GPR39: variants seen among roughly 807,000 people sequenced by gnomAD.
GPR39 encodes zinc sensing receptor.
A neutral mutation model predicts 18.4 loss-of-function variants in GPR39; 23 were observed. The ratio of observed to expected loss-of-function variants is 1.25; its 90% CI spans 0.90 to 1.77. GPR39 has a LOEUF of 1.77. GPR39 is among the 40% of genes most tolerant of loss of function. The pLI is 0.00. For synonymous variants in GPR39, 280 were observed against 257.9 expected (o/e 1.09, Z -0.82); for missense variants, 647 against 602.4 (o/e 1.07, Z -0.78).
At chr2:132,442,040 A>T (rs1346335487) in intron 1 of GPR39, among the ~76,000 whole-genome samples, 1 of 152,130 alleles carries the variant, frequency 6.6e-6, no homozygotes, top group African/African-American at 2.4e-5. Flanking sequence ...TGTCAAGGCA[A>T]AAAAGCCTGT....
intron 1 of GPR39, among the ~76,000 whole-genome samples, chr2:132,593,413 G>A (rs1488593149): frequency 6.6e-6 from 1 of 152,060 alleles, no homozygotes; most frequent in Non-Finnish European, 1.5e-5. Context: ...ACTATGTAGG[G>A]ACCCACCATG....
rs546997992 is a variant in GPR39 at position 132,607,050 on chromosome 2, AC to A, written c.857-38050del. ...CCCCACTAACTCTTTAATCTGAGAA[AC>A]GTATTGAAAGGCTGGGGGCGGGTAA... On this transcript the variant is annotated intron_variant, in intron 1 of 1. Transcript: ENST00000329321. 5.9e-5 allele frequency among the ~76,000 whole-genome samples: 9 copies of A among 152,274 alleles called. No homozygotes were observed. The South Asian group carries it at 1.7e-3, about 28-fold the overall frequency.
intron 1 of GPR39, among the ~76,000 whole-genome samples, chr2:132,623,571 A>G (rs1681484133): frequency 6.6e-6 from 1 of 152,188 alleles, no homozygotes; most frequent in African/African-American, 2.4e-5. Flanking sequence ...CGAAGGCAAA[A>G]ATGACTCAGC....
intron 1 of GPR39, among the ~76,000 whole-genome samples, chr2:132,465,408 A>G (rs538437914): frequency 1.3e-5 from 2 of 152,236 alleles, no homozygotes; most frequent in Admixed American, 6.5e-5. Context: ...AACTTCCCCT[A>G]GTCTCCCTGT....
At chr2:132,487,278 TACTGTATTTC>T (rs1681360388) in intron 1 of GPR39, among the ~76,000 whole-genome samples, 1 of 152,222 alleles carries the variant, frequency 6.6e-6, no homozygotes. Flanking sequence ...TGGTTATTCT[TACTGTATTTC>T]ACTGGATTAT....
At chr2:132,513,750 C>T (rs1175087014) in intron 1 of GPR39, among the ~76,000 whole-genome samples, 1 of 152,074 alleles carries the variant, frequency 6.6e-6, no homozygotes, top group African/African-American at 2.4e-5. Flanking sequence ...TCACTCTGGC[C>T]CCCCGAGTGG....
At chr2:132,460,455 GA>G (rs1397390558) in intron 1 of GPR39, among the ~76,000 whole-genome samples, 1 of 152,150 alleles carries the variant, frequency 6.6e-6, no homozygotes. Flanking sequence ...GAGTAGAATG[GA>G]AAATGTACAT....
chr2:132,520,097 A>G (rs907794466), intron 1 of GPR39, among the ~76,000 whole-genome samples: 1 of 151,930 alleles, frequency 6.6e-6, no homozygotes, highest in Admixed American at 6.6e-5. Context: ...TATAATTTAT[A>G]TTCTTACAAC....
In GPR39 at chr2:132,466,046, C is replaced by G. The variant is rs865905675; in HGVS notation, c.856+48148C>G. On this transcript the variant is annotated intron_variant, in intron 1 of 1. Transcript: ENST00000329321. ...TAAAAGCTTAAAGCCTATTTTCTTTCCTTGCCAGCCTTGCAGGCTGTGTCT... is the reference window on the plus strand; with the variant it reads ...TAAAAGCTTAAAGCCTATTTTCTTTGCTTGCCAGCCTTGCAGGCTGTGTCT... 3.9e-4 allele frequency among the ~76,000 whole-genome samples: 59 copies of G among 152,050 alleles called. 1 individual carries two copies. The highest frequency in any genetic ancestry group is 2.1e-4 in the South Asian group (1 of 4,826).
chr2:132,634,885 A>G (rs1431316496), intron 1 of GPR39, among the ~76,000 whole-genome samples: 2 of 152,214 alleles, frequency 1.3e-5, no homozygotes, highest in Admixed American at 6.5e-5. Flanking sequence ...CCATAGGGCC[A>G]TCACAGACAG....
chr2:132,534,806 A>C (rs1310209919), intron 1 of GPR39, among the ~76,000 whole-genome samples: 1 of 151,640 alleles, frequency 6.6e-6, no homozygotes, highest in Non-Finnish European at 1.5e-5. Flanking sequence ...ACATGGACAC[A>C]GGAAGGGGAA....
intron 1 of GPR39, among the ~76,000 whole-genome samples, chr2:132,458,498 G>C (rs935726069): frequency 8.8e-5 from 12 of 136,192 alleles, no homozygotes; most frequent in Non-Finnish European, 1.8e-4. Flanking sequence ...GTGTGTGTAA[G>C]TGCTTCATTA....
chr2:132,442,941 G>A (rs1398453820), intron 1 of GPR39, among the ~76,000 whole-genome samples: 4 of 151,864 alleles, frequency 2.6e-5, no homozygotes, highest in African/African-American at 9.7e-5. Flanking sequence ...GCTATAATTA[G>A]GAATACTCTT....
intron 1 of GPR39, 94 bp from the exon 2 acceptor site, chr2:132,645,007 A>AG: frequency 2.1e-6 from 3 of 1,414,070 alleles, no homozygotes; most frequent in Non-Finnish European, 2.9e-6. Flanking sequence ...CACAGAACAG[A>AG]GGGGCTAAAT....
intron 1 of GPR39, among the ~76,000 whole-genome samples, chr2:132,530,408 G>A (rs1306444687): frequency 2.6e-5 from 4 of 152,216 alleles, no homozygotes; most frequent in African/African-American, 9.7e-5. Context: ...TGGGGAGAAT[G>A]GAACCAAGTT....
chr2:132,646,383 A>C lies in GPR39; in HGVS notation c.*777A>C. 1 of 698,812 alleles carries C rather than the reference A, an allele frequency of 1.4e-6. No homozygotes were observed. Among genetic ancestry groups the C allele is most frequent in the Non-Finnish European group, 2.2e-6 (1 of 464,032 alleles). The allele number at this position is 698,812 out of a possible 1,614,324, so 43.3% of individuals were successfully genotyped here. A position where few individuals can be genotyped will look rare whatever the true frequency, so the allele number is the denominator to read the frequency against. On this transcript the variant is annotated 3_prime_UTR_variant, in exon 2 of 2. Coordinates refer to ENST00000329321, the MANE Select transcript of GPR39 (RefSeq NM_001508.3). ...CGGACAGCTCTTCCTTACTCCTCCC[A>C]CAGCCCAGAGACTAGGTGAGGTCAG...
At chr2:132,524,492 A>C (rs4401256) in intron 1 of GPR39, among the ~76,000 whole-genome samples, 101,413 of 152,036 alleles carry the variant, frequency 0.67, 34,162 homozygotes, top group East Asian at 0.8. Context: ...ACAAGCAACA[A>C]CCTGCACTTT....
chr2:132,452,069 A>G (rs887581298), intron 1 of GPR39, among the ~76,000 whole-genome samples: 6 of 152,192 alleles, frequency 3.9e-5, no homozygotes, highest in African/African-American at 1.4e-4. Flanking sequence ...TTTGAGTCAC[A>G]CTGTTTTTTG....
rs560447063 is a variant in GPR39 at position 132,529,421 on chromosome 2, C to T, written c.856+111523C>T. Reference sequence around the variant, plus strand: ...CTGCCTGCCTCTGTAGGTTCCACCTCTGGGGGCAGGGCACAGACAAACAAA... The same window carrying T: ...CTGCCTGCCTCTGTAGGTTCCACCTTTGGGGGCAGGGCACAGACAAACAAA... On this transcript the variant is annotated intron_variant, in intron 1 of 1. Coordinates refer to ENST00000329321, the MANE Select transcript of GPR39 (RefSeq NM_001508.3). Among the ~76,000 whole-genome samples, 14 of 152,368 alleles carry T rather than the reference C, an allele frequency of 9.2e-5. No individual in the cohort carries two copies. In the South Asian group the frequency reaches 2.9e-3, roughly 32 times the overall value.
Sources: gnomAD v4.1 joint callset for allele counts (sites outside exome capture counted in the v4.1 genomes callset) on GRCh38, gnomAD v4.1.1 for gene constraint, MANE v1.5 for transcripts, NCBI Gene and HGNC (gene_info 2026-07-23, HGNC 2026-07-21) for gene names.